The following DGKG variants were observed in gnomAD, a reference collection of about 807,000 sequenced individuals.
The protein encoded by DGKG is diacylglycerol kinase gamma.
A neutral mutation model predicts 105.3 loss-of-function variants in DGKG; 78 were observed. That is an observed-to-expected ratio of 0.74 (90% CI 0.62 to 0.89). DGKG has a LOEUF of 0.89. Ranked by LOEUF, DGKG falls within the 40% of genes least tolerant of loss-of-function variation. DGKG has a pLI of 0.00. For missense variants in DGKG, 958 were observed against 1,020.1 expected (o/e 0.94, Z 0.83); for synonymous variants, 346 against 367.1 (o/e 0.94, Z 0.66).
intron 21 of DGKG, among the ~76,000 whole-genome samples, chr3:186,202,986 G>A (rs1263410233): frequency 2.0e-5 from 3 of 152,002 alleles, no homozygotes; most frequent in Admixed American, 6.6e-5. Context: ...GAAAAGAACC[G>A]GAAAATAAAA....
At chr3:186,312,983 A>C (rs1330513613) in intron 2 of DGKG, among the ~76,000 whole-genome samples, 3 of 152,260 alleles carry the variant, frequency 2.0e-5, no homozygotes, top group Non-Finnish European at 4.4e-5. Flanking sequence ...CCTGGCAAAA[A>C]AAATAGATAT....
intron 1 of DGKG, among the ~76,000 whole-genome samples, chr3:186,324,517 A>G (rs1349295837): frequency 1.7e-5 from 1 of 58,040 alleles, no homozygotes; most frequent in African/African-American, 1.3e-4. Flanking sequence ...CGATCAGCTG[A>G]AAAAAAAAAA....
At chr3:186,190,031 C>T (rs1173882095) in intron 21 of DGKG, among the ~76,000 whole-genome samples, 1 of 152,198 alleles carries the variant, frequency 6.6e-6, no homozygotes. Flanking sequence ...CATTTATTAT[C>T]TTCCTAATAA....
chr3:186,304,126 C>T (rs1233568421), intron 3 of DGKG, among the ~76,000 whole-genome samples: 1 of 152,234 alleles, frequency 6.6e-6, no homozygotes, highest in African/African-American at 2.4e-5. Flanking sequence ...TCTGAAAGCT[C>T]CTGTGGCCTC....
intron 22 of DGKG, among the ~76,000 whole-genome samples, chr3:186,171,915 G>T (rs1014291372): frequency 2.0e-5 from 3 of 151,360 alleles, no homozygotes; most frequent in African/African-American, 7.3e-5. Flanking sequence ...GAGTGCAATC[G>T]CATGATCTTG....
intron 5 of DGKG, among the ~76,000 whole-genome samples, chr3:186,296,238 T>G (rs1723557762): frequency 6.6e-6 from 1 of 152,252 alleles, no homozygotes; most frequent in East Asian, 1.9e-4. Flanking sequence ...TCTAACTCAC[T>G]TAACCTTCAT....
At chr3:186,202,565 A>G (rs1718523553) in intron 21 of DGKG, among the ~76,000 whole-genome samples, 1 of 152,188 alleles carries the variant, frequency 6.6e-6, no homozygotes, top group Admixed American at 6.5e-5. Flanking sequence ...GTCATTTCCC[A>G]CTGATGGGGC....
chr3:186,336,920 A>G lies in DGKG; in HGVS notation c.-248-16213T>C, dbSNP rs534182507. Among the ~76,000 whole-genome samples the G allele has an allele frequency of 7.9e-5, 12 of 152,360 alleles. No individual in the cohort carries two copies. The South Asian group carries it at 2.3e-3, about 29-fold the overall frequency. On this transcript the variant is annotated intron_variant, in intron 1 of 24. Transcript: ENST00000265022. ...TAAAATGGGAAAATTCTGCAAAAGT[A>G]TAAGTGATCAAAAGTGACTCAAGAA...
chr3:186,215,635 GA>G (rs1215989229), intron 20 of DGKG, among the ~76,000 whole-genome samples: 7 of 152,058 alleles, frequency 4.6e-5, no homozygotes, highest in African/African-American at 1.4e-4. Context: ...GAAGGGCCTG[GA>G]CAAGGGTCAT....
chr3:186,354,638 T>G (rs6762001), intron 1 of DGKG, among the ~76,000 whole-genome samples: 2,711 of 152,324 alleles, frequency 0.018, 78 homozygotes, highest in African/African-American at 0.062. Context: ...GCTCTTAAGC[T>G]CTTTCCTTCT....
chr3:186,245,500 G>A (rs939689116), intron 19 of DGKG, among the ~76,000 whole-genome samples: 9 of 152,198 alleles, frequency 5.9e-5, no homozygotes, highest in East Asian at 5.8e-4. Context: ...CCAGGGCTAC[G>A]ATGGTTCAAA....
intron 1 of DGKG, among the ~76,000 whole-genome samples, chr3:186,337,758 C>T (rs1725897845): frequency 6.6e-6 from 1 of 152,114 alleles, no homozygotes; most frequent in African/African-American, 2.4e-5. Context: ...ATTAAGGGAT[C>T]TCAGCAAAGT....
intron 8 of DGKG, 117 bp from the exon 9 acceptor site, chr3:186,280,090 C>T: frequency 7.5e-7 from 1 of 1,341,294 alleles, no homozygotes; most frequent in South Asian, 1.3e-5. Context: ...CCCCTTTCCC[C>T]TCCTGTTAAG....
intron 3 of DGKG, among the ~76,000 whole-genome samples, chr3:186,302,503 T>TAC (rs1229919384): frequency 3.4e-4 from 3 of 8,850 alleles, no homozygotes; most frequent in African/African-American, 1.0e-3. Context: ...TATATATATA[T>TAC]ATACATATGT....
At chr3:186,151,240 G>A (rs1469953477) in intron 24 of DGKG, among the ~76,000 whole-genome samples, 1 of 152,214 alleles carries the variant, frequency 6.6e-6, no homozygotes, top group South Asian at 2.1e-4. Flanking sequence ...TAAAATCCTT[G>A]TCTTATGGAG....
At chr3:186,200,485 C>A (rs1718399481) in intron 21 of DGKG, among the ~76,000 whole-genome samples, 1 of 152,206 alleles carries the variant, frequency 6.6e-6, no homozygotes, top group Non-Finnish European at 1.5e-5. Context: ...AGCTTCCTAT[C>A]TTTGGAGTAT....
In DGKG at chr3:186,320,387, A is replaced by G. The variant is rs763433376; in HGVS notation, c.67+6T>C. 1.2e-5 allele frequency: 19 copies of G among 1,614,026 alleles called. 1 individual carries two copies. Among genetic ancestry groups the G allele is most frequent in the South Asian group, 1.1e-4 (10 of 91,074 alleles). On this transcript the variant is annotated splice_donor_region_variant and intron_variant, in intron 2 of 24. Coordinates refer to ENST00000265022, the MANE Select transcript of DGKG (RefSeq NM_001346.3). ...CCGTCCCAGGGCTGTCAATGCATTTACTCACATTCTGAATATTTCTGGAGT... is the reference window on the plus strand; with the variant it reads ...CCGTCCCAGGGCTGTCAATGCATTTGCTCACATTCTGAATATTTCTGGAGT...
At chr3:186,167,541 G>A (rs1716606022) in intron 22 of DGKG, among the ~76,000 whole-genome samples, 1 of 152,170 alleles carries the variant, frequency 6.6e-6, no homozygotes, top group Admixed American at 6.5e-5. Context: ...TAAATTTGGA[G>A]TTAAAATGAA....
intron 2 of DGKG, among the ~76,000 whole-genome samples, chr3:186,318,238 C>T (rs11919161): frequency 0.026 from 4,009 of 152,226 alleles, 173 homozygotes; most frequent in African/African-American, 0.091. Context: ...ATCCCCACGC[C>T]TCCTATGTCC....
Sources: gnomAD v4.1 joint callset for allele counts (sites outside exome capture counted in the v4.1 genomes callset) on GRCh38, gnomAD v4.1.1 for gene constraint, MANE v1.5 for transcripts, NCBI Gene and HGNC (gene_info 2026-07-23, HGNC 2026-07-21) for gene names.